Variants in ZDHHC23 observed in about 807,000 individuals in gnomAD.
ZDHHC23 encodes the protein palmitoyltransferase ZDHHC23.
In ZDHHC23, 41 loss-of-function variants were observed where a neutral mutation model predicts 40.2. That is an observed-to-expected ratio of 1.02 (90% CI 0.79 to 1.32). The LOEUF is 1.32. Among genes scored for constraint, ZDHHC23 ranks in the 40% most tolerant of loss-of-function variants. The pLI, the probability that ZDHHC23 is intolerant of heterozygous loss-of-function variation, is 0.00. For missense variants in ZDHHC23, 471 were observed against 541.5 expected, an observed-to-expected ratio of 0.87 and a Z score of 1.29; for synonymous variants, 204 against 210.2, an observed-to-expected ratio of 0.97 and a Z score of 0.26.
chr3:113,956,293 C>T (rs770937349), intron 3 of ZDHHC23, 46 bp from the exon 4 acceptor site: 5 of 1,570,334 alleles, frequency 3.2e-6, no homozygotes, highest in South Asian at 2.3e-5. Context: ...ATATCAAGAA[C>T]TCTTAAAAAT....
the ZDHHC23 span, among the ~76,000 whole-genome samples, chr3:113,972,868 T>C: frequency 6.6e-6 from 1 of 152,224 alleles, no homozygotes; most frequent in African/African-American, 2.4e-5. Flanking sequence ...CTGATATAAG[T>C]ATAGCTATTC....
At chr3:113,953,623 T>C in intron 2 of ZDHHC23, 77 bp from the exon 3 acceptor site, 2 of 1,286,292 alleles carry the variant, frequency 1.6e-6, no homozygotes, top group Non-Finnish European at 1.1e-6. Flanking sequence ...ATCCCACTGT[T>C]TGGCATTCAG....
Position 113,959,455 on chromosome 3 carries a change from C to A in ZDHHC23, c.*825C>A. On this transcript the variant is annotated 3_prime_UTR_variant, in exon 5 of 5. Coordinates refer to ENST00000638807, the MANE Select transcript of ZDHHC23 (RefSeq NM_001320466.2). Reference sequence around the variant, plus strand: ...TTCTATTTATATTTTATAAATTCTGCTTGGGTTTCTTATAAATAACTCCAA... The same window carrying A: ...TTCTATTTATATTTTATAAATTCTGATTGGGTTTCTTATAAATAACTCCAA... 8.0e-7 allele frequency: 1 copy of A among 1,254,990 alleles called. No individual in the cohort carries two copies. The highest frequency in any genetic ancestry group is 1.0e-6 in the Non-Finnish European group (1 of 961,894). 77.7% of individuals were successfully genotyped at this position (1,254,990 alleles called of 1,614,324 possible). A position where few individuals can be genotyped will look rare whatever the true frequency, so the allele number is the denominator to read the frequency against.
chr3:113,963,934 G>T (rs1939868836), downstream of ZDHHC23, among the ~76,000 whole-genome samples: 3 of 145,142 alleles, frequency 2.1e-5, no homozygotes, highest in African/African-American at 5.2e-5. Context: ...AAAAACACAG[G>T]TTTTTTTTTT....
chr3:113,958,012 C>G (rs1306528159), intron 4 of ZDHHC23, among the ~76,000 whole-genome samples: 1 of 152,120 alleles, frequency 6.6e-6, no homozygotes, highest in African/African-American at 2.4e-5. Context: ...CCTTTGTTTT[C>G]TCATGAGTTA....
At chr3:113,953,066 A>G (rs1175337810) in intron 2 of ZDHHC23, among the ~76,000 whole-genome samples, 1 of 152,220 alleles carries the variant, frequency 6.6e-6, no homozygotes, top group East Asian at 1.9e-4. Flanking sequence ...GACTCATACT[A>G]GTTTGATCTC....
Position 113,959,516 on chromosome 3 carries a change from A to G in ZDHHC23, c.*886A>G. The G allele has an allele frequency of 7.8e-7, 1 of 1,277,688 alleles. No individual in the cohort carries two copies. Among genetic ancestry groups the G allele is most frequent in the Non-Finnish European group, 1.0e-6 (1 of 979,336 alleles). 79.1% of individuals were successfully genotyped at this position (1,277,688 alleles called of 1,614,324 possible). ...TGTGTTTTTCCTCTTCCCATGTTTC[A>G]CCAGGTAAGGTGCTAGCACACTTGT... is the stretch of plus-strand genomic sequence containing the variant. On this transcript the variant is annotated 3_prime_UTR_variant, in exon 5 of 5. Coordinates refer to ENST00000638807, the MANE Select transcript of ZDHHC23 (RefSeq NM_001320466.2).
chr3:113,960,730 A>G lies in ZDHHC23; in HGVS notation c.*2100A>G. 1 of 1,586,638 alleles carries G rather than the reference A, an allele frequency of 6.3e-7. No individual in the cohort carries two copies. Among genetic ancestry groups the G allele is most frequent in the Non-Finnish European group, 8.5e-7 (1 of 1,170,174 alleles). ...ACTTACCTCTAATAGGGTTACTTGG[A>G]TGAGCCAACTCCGCTTCCTTCCCAT... On this transcript the variant is annotated 3_prime_UTR_variant, in exon 5 of 5. Coordinates refer to ENST00000638807, the MANE Select transcript of ZDHHC23 (RefSeq NM_001320466.2).
chr3:113,959,033 A>C lies in ZDHHC23; in HGVS notation c.*403A>C. 1.9e-6 allele frequency: 2 copies of C among 1,069,418 alleles called. No homozygotes were observed. The highest frequency in any genetic ancestry group is 2.4e-6 in the Non-Finnish European group (2 of 836,828). The allele number at this position is 1,069,418 out of a possible 1,614,324, so 66.2% of individuals were successfully genotyped here. ...TAGCTGAGTCACTTTCCCAAGTCTC[A>C]GGGTCATCTGCAAAGTGGGGTACTG... is the stretch of plus-strand genomic sequence containing the variant. On this transcript the variant is annotated 3_prime_UTR_variant, in exon 5 of 5. Transcript: ENST00000638807.
chr3:113,969,855 A>T (rs1411949700), downstream of ZDHHC23, among the ~76,000 whole-genome samples: 5 of 152,088 alleles, frequency 3.3e-5, no homozygotes, highest in Non-Finnish European at 7.4e-5. Flanking sequence ...TCATATAAAT[A>T]TTAGGAATTT....
At position 113,960,640 on chromosome 3, in the gene ZDHHC23, A is replaced by G; in HGVS notation, c.*2010A>G. 1 of 1,595,570 alleles carries G rather than the reference A, an allele frequency of 6.3e-7. No individual in the cohort carries two copies. Among genetic ancestry groups the G allele is most frequent in the Non-Finnish European group, 8.5e-7 (1 of 1,174,352 alleles). On this transcript the variant is annotated 3_prime_UTR_variant, in exon 5 of 5. Coordinates refer to ENST00000638807, the MANE Select transcript of ZDHHC23 (RefSeq NM_001320466.2). The stretch of plus-strand genomic sequence containing the variant: ...CTAAATGTAATGTGATGTGATGAAG[A>G]TAAGTAGTACAAAGAGACCAAAATA...
the ZDHHC23 span, among the ~76,000 whole-genome samples, chr3:113,975,634 T>C: frequency 3.9e-5 from 6 of 152,304 alleles, no homozygotes; most frequent in East Asian, 1.2e-3. Context: ...TTAAGTGCTG[T>C]GAAGGAAGTA....
At position 113,959,265 on chromosome 3, in the gene ZDHHC23, T is replaced by G. The variant is rs190364782; in HGVS notation, c.*635T>G. 1,070 of 1,086,032 alleles carry G rather than the reference T, an allele frequency of 9.9e-4. 4 individuals are homozygous for G. The highest frequency in any genetic ancestry group is 7.9e-3 in the South Asian group (299 of 37,874). The allele number at this position is 1,086,032 out of a possible 1,614,324, so 67.3% of individuals were successfully genotyped here. ...TTCAGCATATACCTTGTTGTACAGT[T>G]ATGAGAATTTCTCCTTCTTATTAGA... On this transcript the variant is annotated 3_prime_UTR_variant, in exon 5 of 5. Coordinates refer to ENST00000638807, the MANE Select transcript of ZDHHC23 (RefSeq NM_001320466.2).
chr3:113,960,275 G>T lies in ZDHHC23; in HGVS notation c.*1645G>T. 1 of 1,017,482 alleles carries T rather than the reference G, an allele frequency of 9.8e-7. No individual in the cohort carries two copies. Among genetic ancestry groups the T allele is most frequent in the South Asian group, 3.9e-5 (1 of 25,540 alleles). The allele number at this position is 1,017,482 out of a possible 1,614,324, so 63.0% of individuals were successfully genotyped here. On this transcript the variant is annotated 3_prime_UTR_variant, in exon 5 of 5. Coordinates refer to ENST00000638807, the MANE Select transcript of ZDHHC23 (RefSeq NM_001320466.2). ...TCACCATATTCTTATTCAGGCTGTT[G>T]TCATTTTCCCCAGAGATGGTTTGTT...
chr3:113,977,512 G>A, the ZDHHC23 span, among the ~76,000 whole-genome samples: 1 of 148,116 alleles, frequency 6.8e-6, no homozygotes, highest in Non-Finnish European at 1.5e-5. Context: ...AAGACAACTG[G>A]ATTAAATAAA....
Position 113,963,092 on chromosome 3 carries a change from T to C in ZDHHC23, c.*4462T>C, listed in dbSNP as rs992442902. The C allele has an allele frequency of 2.6e-5, 4 of 152,164 alleles. No homozygotes were observed. The highest frequency in any genetic ancestry group is 5.9e-5 in the Non-Finnish European group (4 of 68,036). The allele number at this position is 152,164 out of a possible 1,614,324, so 9.4% of individuals were successfully genotyped here. ...TCAATGTCTCTATCCTGTGGCCCTG[T>C]CCCTAGCCCTAAACTGTTATGTTCC... On this transcript the variant is annotated 3_prime_UTR_variant, in exon 5 of 5. Coordinates refer to ENST00000638807, the MANE Select transcript of ZDHHC23 (RefSeq NM_001320466.2).
At position 113,955,359 on chromosome 3, in the gene ZDHHC23, CGTGTGTGT is replaced by C. The variant is rs68123933; in HGVS notation, c.873-954_873-947del. Among the ~76,000 whole-genome samples the C allele has an allele frequency of 3.4e-3, 498 of 147,516 alleles. 1 individual carries two copies. The highest frequency in any genetic ancestry group is 5.3e-3 in the Non-Finnish European group (355 of 66,562). On this transcript the variant is annotated intron_variant, in intron 3 of 4. Transcript: ENST00000638807. The stretch of plus-strand genomic sequence containing the variant: ...TTCTACTTCTGTGTCTTCACTTATT[CGTGTGTGT>C]GTGTGTGTGTGTGTGTGTGTGTGTG...
In ZDHHC23 at chr3:113,948,934, T is replaced by C. The variant is rs771080957; in HGVS notation, c.132T>C (p.Asp44=). ...EKNHVATCLC[D]CQDLDEGCDR... ...ACCACGTGGCTACTTGTTTGTGTGA[T>C]TGTCAAGATCTGGATGAAGGGTGTG... Residue 44 remains aspartate (D), a synonymous_variant, in exon 2 of 5, where the codon GAT becomes GAC. Transcript: ENST00000638807. The C allele has an allele frequency of 6.2e-7, 1 of 1,614,178 alleles. No homozygotes were observed.
At chr3:113,950,481 A>T (rs752842258) in intron 2 of ZDHHC23, among the ~76,000 whole-genome samples, 1 of 152,116 alleles carries the variant, frequency 6.6e-6, no homozygotes, top group Non-Finnish European at 1.5e-5. Flanking sequence ...GCTCTATTAT[A>T]AGGGCACAAG....
Sources: allele counts gnomAD v4.1 joint callset (sites outside exome capture counted in the v4.1 genomes callset), GRCh38; gene constraint gnomAD v4.1.1; transcripts MANE v1.5; gene names NCBI Gene and HGNC (gene_info 2026-07-23, HGNC 2026-07-21).